The following FOXK1 variants were observed in gnomAD, a reference collection of about 807,000 sequenced individuals.
The protein encoded by FOXK1 is forkhead box K1, also known as forkhead box protein K1.
FOXK1 carries 19 observed loss-of-function variants against 51.9 expected under a neutral mutation model. That is an observed-to-expected ratio of 0.37 (90% CI 0.26 to 0.54). The LOEUF is 0.54. FOXK1 is among the 20% of genes least tolerant of loss of function. The probability of loss-of-function intolerance (pLI) is 0.87; values close to 1 mark genes in which losing one functional copy is unlikely to be tolerated. For missense variants in FOXK1, 870 were observed against 1,032.7 expected (o/e 0.84, Z 2.16); for synonymous variants, 537 against 482.6 (o/e 1.11, Z -1.48).
intron 7 of FOXK1, chr7:4,759,883 T>G: frequency 1.6e-5 from 8 of 492,574 alleles, no homozygotes; most frequent in East Asian, 3.7e-5. Context: ...ATACAAAAAT[T>G]AGCCAGGCAT....
intron 1 of FOXK1, among the ~76,000 whole-genome samples, chr7:4,705,420 G>A (rs913681633): frequency 1.3e-5 from 2 of 151,916 alleles, no homozygotes; most frequent in East Asian, 1.9e-4. Flanking sequence ...GGGCTCAAGC[G>A]ATCCTCCCAC....
chr7:4,744,033 C>T (rs561226787), intron 2 of FOXK1, among the ~76,000 whole-genome samples: 57 of 152,164 alleles, frequency 3.7e-4, no homozygotes, highest in African/African-American at 1.2e-3. Context: ...CATGCCACCA[C>T]GCCCGGCTAA....
At position 4,722,388 on chromosome 7, in the gene FOXK1, C is replaced by T. The variant is rs1447625332; in HGVS notation, c.561-18450C>T. Among the ~76,000 whole-genome samples, 2 of 152,238 alleles carry T rather than the reference C, an allele frequency of 1.3e-5. No individual in the cohort carries two copies. The highest frequency in any genetic ancestry group is 2.4e-5 in the African/African-American group (1 of 41,470). On this transcript the variant is annotated intron_variant, in intron 1 of 8. Coordinates refer to ENST00000328914, the MANE Select transcript of FOXK1 (RefSeq NM_001037165.2). This position sits in a 1 kb window ranked among gnomAD's most constrained non-coding sequence, Gnocchi z 5.1. ...TCGTTCGTATTTCCTAGGCTTAAAA[C>T]CCATTCTCCTGTGAAGAGGCCTTCC...
chr7:4,699,604 G>A (rs1449762737), intron 1 of FOXK1, among the ~76,000 whole-genome samples: 1 of 151,974 alleles, frequency 6.6e-6, no homozygotes, highest in East Asian at 1.9e-4. Flanking sequence ...CTGGCCTCAA[G>A]TGATCCACCC....
In FOXK1 at chr7:4,723,763, G is replaced by A. The variant is rs1200314923; in HGVS notation, c.561-17075G>A. Among the ~76,000 whole-genome samples, 1 of 152,092 alleles carries A rather than the reference G, an allele frequency of 6.6e-6. No individual in the cohort carries two copies. The highest frequency in any genetic ancestry group is 2.4e-5 in the African/African-American group (1 of 41,428). On this transcript the variant is annotated intron_variant, in intron 1 of 8. Coordinates refer to ENST00000328914, the MANE Select transcript of FOXK1 (RefSeq NM_001037165.2). This position sits in a 1 kb window ranked among gnomAD's most constrained non-coding sequence, Gnocchi z 4.7. ...GCTCACTGCAGCCTCAACCTCCTGG[G>A]CTCAAGCAATCCTCCCGCCTCAGCC...
At position 4,707,556 on chromosome 7, in the gene FOXK1, C is replaced by T. The variant is rs543428348; in HGVS notation, c.560+24688C>T. On this transcript the variant is annotated intron_variant, in intron 1 of 8. Coordinates refer to ENST00000328914, the MANE Select transcript of FOXK1 (RefSeq NM_001037165.2). The surrounding 1 kb of genome is among the most constrained non-coding windows in gnomAD (Gnocchi z 4.1). ...GCAGCGAGAGGGTGGGTGTGGGAGT[C>T]GGTGAATTGTCTCTTACGCCTTCCT... is the stretch of plus-strand genomic sequence containing the variant. Among the ~76,000 whole-genome samples the T allele has an allele frequency of 3.3e-5, 5 of 152,274 alleles. No individual in the cohort carries two copies. Among genetic ancestry groups the T allele is most frequent in the South Asian group, 4.1e-4 (2 of 4,822 alleles).
intron 1 of FOXK1, among the ~76,000 whole-genome samples, chr7:4,705,354 CT>C (rs1252218126): frequency 1.3e-5 from 2 of 150,950 alleles, no homozygotes; most frequent in Non-Finnish European, 3.0e-5. Flanking sequence ...CCCTGGCCAA[CT>C]TTTTTTTGTA....
Position 4,706,023 on chromosome 7 carries a change from C to T in FOXK1, c.560+23155C>T, listed in dbSNP as rs904892026. On this transcript the variant is annotated intron_variant, in intron 1 of 8. Transcript: ENST00000328914. Reference sequence around the variant, plus strand: ...ATATACGTATATATACGTATATATACGTGTATATACGTGTATATACGTGTA... The same window carrying T: ...ATATACGTATATATACGTATATATATGTGTATATACGTGTATATACGTGTA... Among the ~76,000 whole-genome samples the T allele has an allele frequency of 6.3e-3, 583 of 92,916 alleles. 53 individuals carry two copies. Among genetic ancestry groups the T allele is most frequent in the African/African-American group, 0.052 (516 of 10,002 alleles). The allele number at this position is 92,916 out of a possible 152,430, so 61.0% of individuals were successfully genotyped here. A position where few individuals can be genotyped will look rare whatever the true frequency, so the allele number is the denominator to read the frequency against.
Position 4,707,341 on chromosome 7 carries a change from A to G in FOXK1, c.560+24473A>G, listed in dbSNP as rs551271037. On this transcript the variant is annotated intron_variant, in intron 1 of 8. Coordinates refer to ENST00000328914, the MANE Select transcript of FOXK1 (RefSeq NM_001037165.2). The surrounding 1 kb of genome is among the most constrained non-coding windows in gnomAD (Gnocchi z 4.1). ...GTGATGAATGGGCCATCCGGGATAA[A>G]CAGATGGGACGGAGAGTGCAATTTA... Among the ~76,000 whole-genome samples, 23 of 152,330 alleles carry G rather than the reference A, an allele frequency of 1.5e-4. No homozygotes were observed. The highest frequency in any genetic ancestry group is 3.1e-4 in the Non-Finnish European group (21 of 68,036).
chr7:4,694,476 C>CTTCTTGTGA (rs1317735593), intron 1 of FOXK1, among the ~76,000 whole-genome samples: 1 of 152,126 alleles, frequency 6.6e-6, no homozygotes, highest in African/African-American at 2.4e-5. Context: ...AAAAGCTTTG[C>CTTCTTGTGA]TTCTTGTGAT....
At position 4,754,511 on chromosome 7, in the gene FOXK1, C is replaced by T. The variant is rs1780817425; in HGVS notation, c.799C>T (p.Arg267Cys). 2 of 1,613,030 alleles carry T rather than the reference C, an allele frequency of 1.2e-6. No individual in the cohort carries two copies. The highest frequency in any genetic ancestry group is 1.7e-6 in the Non-Finnish European group (2 of 1,180,034). The change falls in exon 3 of 9, where the codon CGC becomes TGC. Residue 267 changes from arginine (R) to cysteine (C), a missense_variant. Arg to Cys is a radical substitution (Grantham distance 180). Around this residue, in one of 3 missense-constraint regions of FOXK1, gnomAD observed 399 missense variants for 475.6 expected, o/e 0.84. Coordinates refer to ENST00000328914, the MANE Select transcript of FOXK1 (RefSeq NM_001037165.2). ...ACGCGGTGCCGGCTCCTCCAGTTACCGCTTTGTGCAGAACGTGACCTCGGA... is the reference window on the plus strand; with the variant it reads ...ACGCGGTGCCGGCTCCTCCAGTTACTGCTTTGTGCAGAACGTGACCTCGGA... ...SPRGAGSSSY[R>C]FVQNVTSDLQ...
At position 4,722,161 on chromosome 7, in the gene FOXK1, G is replaced by A. The variant is rs1254901616; in HGVS notation, c.561-18677G>A. On this transcript the variant is annotated intron_variant, in intron 1 of 8. Transcript: ENST00000328914. The surrounding 1 kb of genome is among the most constrained non-coding windows in gnomAD (Gnocchi z 5.1). ...ACATCCTGCCCTGATTCAGAAGATG[G>A]CGGGGCAGGAGGTGTCTGTGTCTCA... 6.6e-6 allele frequency among the ~76,000 whole-genome samples: 1 copy of A among 152,186 alleles called. No individual in the cohort carries two copies. Among genetic ancestry groups the A allele is most frequent in the Non-Finnish European group, 1.5e-5 (1 of 68,030 alleles).
chr7:4,738,922 G>A (rs1351828275), intron 1 of FOXK1, among the ~76,000 whole-genome samples: 2 of 152,088 alleles, frequency 1.3e-5, no homozygotes, highest in African/African-American at 2.4e-5. Flanking sequence ...TTGTAATGCT[G>A]AGTCACTTCC....
rs944077384 is a variant in FOXK1 at position 4,768,244 on chromosome 7, T to C, written c.*5780T>C. 1 of 141,568 alleles carries C rather than the reference T, an allele frequency of 7.1e-6. No individual in the cohort carries two copies. Among genetic ancestry groups the C allele is most frequent in the South Asian group, 2.2e-4 (1 of 4,470 alleles). 8.8% of individuals were successfully genotyped at this position (141,568 alleles called of 1,614,324 possible). On this transcript the variant is annotated 3_prime_UTR_variant, in exon 9 of 9. Transcript: ENST00000328914. ...GCCTCCCGGGTTCACGCCATTCTCC[T>C]GCCTCAGCCTCCCGAGTAGCTGGGA...
In FOXK1 at chr7:4,682,537, G is replaced by T. The variant is rs543100102; in HGVS notation, c.229G>T (p.Val77Leu). 4.4e-6 allele frequency: 5 copies of T among 1,136,354 alleles called. No homozygotes were observed. The highest frequency in any genetic ancestry group is 5.4e-6 in the Non-Finnish European group (5 of 930,156). The allele number at this position is 1,136,354 out of a possible 1,614,324, so 70.4% of individuals were successfully genotyped here. The change falls in exon 1 of 9, where the codon GTA (valine) becomes TTA (leucine). Residue 77 changes from valine to leucine, a missense_variant. Coordinates refer to ENST00000328914, the MANE Select transcript of FOXK1 (RefSeq NM_001037165.2). This position sits in a 1 kb window ranked among gnomAD's most constrained non-coding sequence, Gnocchi z 7.6. ...GGGCTCCTCCGGGGGCTCCTCCGGG[G>T]TATCCGGGGACTCCGCGGTCGCGGG... ...GAGSSGGSSG[V>L]SGDSAVAGAA...
At position 4,764,478 on chromosome 7, in the gene FOXK1, C is replaced by G. The variant is rs1431178701; in HGVS notation, c.*2014C>G. On this transcript the variant is annotated 3_prime_UTR_variant, in exon 9 of 9. Coordinates refer to ENST00000328914, the MANE Select transcript of FOXK1 (RefSeq NM_001037165.2). The stretch of plus-strand genomic sequence containing the variant: ...TCCGTGGAGGGTGAGAGATTGCGCC[C>G]CGTTCCACACTTGTGTCGCCTGCTG... 1 of 154,440 alleles carries G rather than the reference C, an allele frequency of 6.5e-6. No individual in the cohort carries two copies. Among genetic ancestry groups the G allele is most frequent in the Non-Finnish European group, 1.5e-5 (1 of 68,396 alleles). 9.6% of individuals were successfully genotyped at this position (154,440 alleles called of 1,614,324 possible).
In FOXK1 at chr7:4,748,402, A is replaced by T. The variant is rs1780733386; in HGVS notation, c.747-6057A>T. 6.6e-6 allele frequency among the ~76,000 whole-genome samples: 1 copy of T among 152,170 alleles called. No homozygotes were observed. Among genetic ancestry groups the T allele is most frequent in the Non-Finnish European group, 1.5e-5 (1 of 68,032 alleles). On this transcript the variant is annotated intron_variant, in intron 2 of 8. Transcript: ENST00000328914. The surrounding 1 kb of genome is among the most constrained non-coding windows in gnomAD (Gnocchi z 4.9). ...TTTACCTTGCATGAGCGTTTTCTGT[A>T]TTAGAACTGTGTAGTGATTGTAGCG...
chr7:4,688,688 T>C (rs1417897714), intron 1 of FOXK1, among the ~76,000 whole-genome samples: 2 of 152,122 alleles, frequency 1.3e-5, no homozygotes, highest in African/African-American at 4.8e-5. Context: ...CACCCTCTGC[T>C]TTTTTCTCAT....
At position 4,759,605 on chromosome 7, in the gene FOXK1, C is replaced by A. The variant is rs1780905255; in HGVS notation, c.1696+10C>A. 6.5e-7 allele frequency: 1 copy of A among 1,531,524 alleles called. No homozygotes were observed. Among genetic ancestry groups the A allele is most frequent in the South Asian group, 1.2e-5 (1 of 83,548 alleles). 94.9% of individuals were successfully genotyped at this position (1,531,524 alleles called of 1,614,324 possible). A position where few individuals can be genotyped will look rare whatever the true frequency, so the allele number is the denominator to read the frequency against. On this transcript the variant is annotated intron_variant, in intron 7 of 8. Transcript: ENST00000328914. The stretch of plus-strand genomic sequence containing the variant: ...GGCAGCGAGGCCAGAGGTAATGCAG[C>A]CGCGGCTGGCAGCCTTCGCAGGACC...
Sources: gnomAD v4.1 joint callset for allele counts (sites outside exome capture counted in the v4.1 genomes callset) on GRCh38, gnomAD v4.1.1 for gene constraint, gnomAD v4.1.1 regional missense constraint, Gnocchi (gnomAD v3.1) non-coding constraint, MANE v1.5 for transcripts, NCBI Gene and HGNC (gene_info 2026-07-23, HGNC 2026-07-21) for gene names.